Variants in AOPEP observed in about 807,000 individuals in gnomAD.
AOPEP encodes the protein aminopeptidase O.
In AOPEP, 77 loss-of-function variants were observed where a neutral mutation model predicts 98.1. The observed-to-expected ratio is 0.78, with a 90% CI of 0.65 to 0.95. The LOEUF (loss-of-function observed/expected upper bound fraction) is 0.95. AOPEP is among the 40% of genes least tolerant of loss of function. The pLI, the probability that AOPEP is intolerant of heterozygous loss-of-function variation, is 0.00. For synonymous variants in AOPEP, 346 were observed against 365.3 expected, an observed-to-expected ratio of 0.95 and a Z score of 0.60; for missense variants, 1,024 against 1,024.7, an observed-to-expected ratio of 1.00 and a Z score of 0.01.
At chr9:94,834,032 C>G (rs2041242927) in intron 5 of AOPEP, among the ~76,000 whole-genome samples, 1 of 152,176 alleles carries the variant, frequency 6.6e-6, no homozygotes, top group East Asian at 1.9e-4. Context: ...TGAATCTGAT[C>G]AAGCCCCGAG....
At chr9:94,916,302 G>A (rs1004118126) in intron 5 of AOPEP, among the ~76,000 whole-genome samples, 1 of 152,266 alleles carries the variant, frequency 6.6e-6, no homozygotes, top group Admixed American at 6.5e-5. Context: ...CTCCAATGAG[G>A]CTGCCGACAT....
the AOPEP span, among the ~76,000 whole-genome samples, chr9:95,132,159 G>A: frequency 1.3e-5 from 2 of 152,154 alleles, no homozygotes; most frequent in Non-Finnish European, 2.9e-5. Context: ...AGCTGCGGGC[G>A]GGCTCTGCCA....
At chr9:94,823,049 T>C (rs1421266871) in intron 5 of AOPEP, among the ~76,000 whole-genome samples, 1 of 151,776 alleles carries the variant, frequency 6.6e-6, no homozygotes, top group African/African-American at 2.4e-5. Context: ...CAGGCTGGAG[T>C]GCAATGGCGC....
In AOPEP at chr9:94,760,321, T is replaced by C. The variant is rs1564082617; in HGVS notation, c.538T>C (p.Ser180Pro). The C allele has an allele frequency of 1.2e-6, 2 of 1,614,204 alleles. No individual in the cohort carries two copies. The highest frequency in any genetic ancestry group is 1.7e-6 in the Non-Finnish European group (2 of 1,180,032). Residue 180 changes from serine to proline, a missense_variant, in exon 2 of 17, where the codon TCT becomes CCT. Physicochemically the swap from Ser to Pro is moderately conservative, Grantham distance 74. Transcript: ENST00000375315. ...AAGGTCTCCTGAGCTCACGGTTGTT[T>C]CTGAGGAGTTCAGGAATCAGATTGT... is the stretch of plus-strand genomic sequence containing the variant. ...FTRSPELTVVSEEFRNQIVRE... is the reference protein window; with the variant it reads ...FTRSPELTVVPEEFRNQIVRE...
At chr9:94,936,277 C>G (rs2056262339) in intron 7 of AOPEP, among the ~76,000 whole-genome samples, 1 of 152,156 alleles carries the variant, frequency 6.6e-6, no homozygotes, top group South Asian at 2.1e-4. Context: ...CATGCAAGTC[C>G]CTGCACATCA....
intron 5 of AOPEP, among the ~76,000 whole-genome samples, chr9:94,858,593 C>T (rs1212566065): frequency 6.6e-6 from 1 of 152,200 alleles, no homozygotes; most frequent in Non-Finnish European, 1.5e-5. Flanking sequence ...GCCAACATCG[C>T]CAACATCTTT....
At chr9:94,937,358 G>A (rs1224314682) in intron 7 of AOPEP, among the ~76,000 whole-genome samples, 4 of 152,190 alleles carry the variant, frequency 2.6e-5, no homozygotes, top group African/African-American at 4.8e-5. Flanking sequence ...TTTTCTCTGC[G>A]TGTGCATGTC....
intron 5 of AOPEP, among the ~76,000 whole-genome samples, chr9:94,882,552 G>T (rs1417486635): frequency 1.3e-5 from 2 of 152,208 alleles, no homozygotes; most frequent in African/African-American, 4.8e-5. Context: ...AAGGCAGGTG[G>T]ATCACTTGAG....
chr9:95,138,582 CT>C, the AOPEP span, among the ~76,000 whole-genome samples: 2 of 152,182 alleles, frequency 1.3e-5, no homozygotes, highest in East Asian at 3.9e-4. Flanking sequence ...CATGCCTTAT[CT>C]TTTTTCAGGA....
At chr9:94,899,375 G>C (rs1345395938) in intron 5 of AOPEP, among the ~76,000 whole-genome samples, 6 of 147,282 alleles carry the variant, frequency 4.1e-5, no homozygotes, top group African/African-American at 1.5e-4. Flanking sequence ...TTTTAGTAGA[G>C]ACGAGGTTTC....
chr9:94,749,404 G>A (rs770771406), intron 1 of AOPEP, among the ~76,000 whole-genome samples: 1 of 152,098 alleles, frequency 6.6e-6, no homozygotes, highest in Non-Finnish European at 1.5e-5. Flanking sequence ...AAGGAGGGCT[G>A]TTTCCTTTTG....
chr9:95,001,474 A>T (rs2061554434), intron 11 of AOPEP, among the ~76,000 whole-genome samples: 1 of 152,204 alleles, frequency 6.6e-6, no homozygotes, highest in Admixed American at 6.5e-5. Flanking sequence ...CAGTAATTAG[A>T]ATACCTGTCC....
chr9:95,020,469 T>G (rs2063353551), intron 13 of AOPEP, among the ~76,000 whole-genome samples: 2 of 152,082 alleles, frequency 1.3e-5, no homozygotes, highest in African/African-American at 4.8e-5. Context: ...AGATAAGGAT[T>G]CTATAGTAAC....
the AOPEP span, among the ~76,000 whole-genome samples, chr9:95,115,322 T>C: frequency 6.6e-6 from 1 of 152,166 alleles, no homozygotes; most frequent in Non-Finnish European, 1.5e-5. Flanking sequence ...AAATGCCGGG[T>C]TGCGGATGCC....
At chr9:94,783,043 T>C (rs1843635724) in intron 3 of AOPEP, among the ~76,000 whole-genome samples, 1 of 152,204 alleles carries the variant, frequency 6.6e-6, no homozygotes, top group African/African-American at 2.4e-5. Context: ...CAAGTTTACC[T>C]GTGACCACCT....
At chr9:94,771,032 T>C (rs1840750798) in intron 2 of AOPEP, among the ~76,000 whole-genome samples, 1 of 152,192 alleles carries the variant, frequency 6.6e-6, no homozygotes, top group African/African-American at 2.4e-5. Context: ...TTTGACCTCA[T>C]CTCAAATCCG....
At chr9:94,731,373 G>A (rs1280573627) in intron 1 of AOPEP, among the ~76,000 whole-genome samples, 2 of 151,832 alleles carry the variant, frequency 1.3e-5, no homozygotes, top group Non-Finnish European at 2.9e-5. Flanking sequence ...GACTACAGGC[G>A]TCCGCCACCA....
At chr9:94,773,383 T>C (rs1841321810) in intron 3 of AOPEP, 1 of 405,104 alleles carries the variant, frequency 2.5e-6, no homozygotes, top group Non-Finnish European at 4.5e-6. Context: ...ATACTAGAGT[T>C]GTCGGTTCAT....
rs1219717439 is a variant in AOPEP at position 95,062,267 on chromosome 9, C to T, written c.2232+1457C>T. ...CTAACGGGGCAGATCTCTAGTACAG[C>T]GCAGGGGTGCTTGGGACCTGGTGGG... is the stretch of plus-strand genomic sequence containing the variant. On this transcript the variant is annotated intron_variant, in intron 14 of 16. Transcript: ENST00000375315. Among the ~76,000 whole-genome samples the T allele has an allele frequency of 3.3e-5, 5 of 152,108 alleles. No individual in the cohort carries two copies. In the East Asian group the frequency reaches 9.6e-4, roughly 29 times the overall value.
Sources: gnomAD v4.1 joint callset for allele counts (sites outside exome capture counted in the v4.1 genomes callset) on GRCh38, gnomAD v4.1.1 for gene constraint, MANE v1.5 for transcripts, NCBI Gene and HGNC (gene_info 2026-07-23, HGNC 2026-07-21) for gene names.